The following PTGS2 variants were observed in gnomAD, a reference collection of about 807,000 sequenced individuals.
The protein encoded by PTGS2 is prostaglandin-endoperoxide synthase 2, also known as prostaglandin G/H synthase 2.
Under a neutral mutation model 63.8 loss-of-function variants are expected in PTGS2, and 14 were observed. That is an observed-to-expected ratio of 0.22 (90% CI 0.14 to 0.34). PTGS2 has a LOEUF of 0.34. Among genes scored for constraint, PTGS2 ranks in the 10% least tolerant of loss-of-function variants. The pLI is 1.00. For missense variants in PTGS2, 533 were observed against 738.5 expected, an observed-to-expected ratio of 0.72 and a Z score of 3.23; for synonymous variants, 271 against 259.5, an observed-to-expected ratio of 1.04 and a Z score of -0.43.
At chr1:186,675,430 T>A (rs1297532968) in intron 8 of PTGS2, 34 bp from the exon 9 acceptor site, 1 of 1,606,080 alleles carries the variant, frequency 6.2e-7, no homozygotes, top group East Asian at 2.2e-5. Context: ...AAAACAAGAA[T>A]TTTAGGCATA....
Position 186,679,095 on chromosome 1 carries a change from G to A in PTGS2, c.276C>T (p.Pro92=). 1 of 1,614,138 alleles carries A rather than the reference G, an allele frequency of 6.2e-7. No individual in the cohort carries two copies. Among genetic ancestry groups the A allele is most frequent in the African/African-American group, 1.3e-5 (1 of 75,052 alleles). ...KGFWNVVNNI[P]FLRNAIMSYV... ...AACTCATAATTGCATTTCGAAGGAA[G>A]GGAATGTTATTCACAACGTTCCAAA... is the stretch of plus-strand genomic sequence containing the variant. The change falls in exon 3 of 10, where the codon CCC becomes CCT. Residue 92 remains proline, a synonymous_variant. Coordinates refer to ENST00000367468, the MANE Select transcript of PTGS2 (RefSeq NM_000963.4).
chr1:186,675,198 A>G (rs1380121708), intron 9 of PTGS2, 51 bp downstream of exon 9: 1 of 1,596,332 alleles, frequency 6.3e-7, no homozygotes, highest in Non-Finnish European at 8.5e-7. Context: ...CAAAAACAAC[A>G]AAAACAAACA....
At chr1:186,678,538 AAAC>A in intron 3 of PTGS2, 134 bp from the exon 4 acceptor site, 1 of 791,194 alleles carries the variant, frequency 1.3e-6, no homozygotes, top group Non-Finnish European at 1.9e-6. Context: ...ATCTATTTTT[AAAC>A]AACTACACTT....
intron 4 of PTGS2, 73 bp from the exon 5 acceptor site, chr1:186,677,903 C>G (rs1665809696): frequency 1.4e-6 from 2 of 1,391,682 alleles, no homozygotes; most frequent in African/African-American, 2.9e-5. Context: ...GTCAATCTAC[C>G]AAGAATTCTT....
chr1:186,678,374 G>A lies in PTGS2; in HGVS notation c.344C>T (p.Thr115Ile), dbSNP rs377655174. 5 of 1,610,482 alleles carry A rather than the reference G, an allele frequency of 3.1e-6. No homozygotes were observed. The highest frequency in any genetic ancestry group is 2.2e-5 in the East Asian group (1 of 44,762). The change falls in exon 4 of 10, where the codon ACT becomes ATT. Residue 115 changes from threonine (T) to isoleucine (I), a missense_variant. Around this residue, in one of 5 missense-constraint regions of PTGS2, gnomAD observed 118 missense variants for 144.6 expected, o/e 0.82. Coordinates refer to ENST00000367468, the MANE Select transcript of PTGS2 (RefSeq NM_000963.4). ...SRSHLIDSPP[T>I]YNADYGYKSW... ...TTTGTAGCCATAGTCAGCATTGTAA[G>A]TTGGTGGACTGTCAATCAAATGTGA...
chr1:186,677,650 C>G lies in PTGS2; in HGVS notation c.638G>C (p.Gly213Ala). The change falls in exon 5 of 10, where the codon GGG becomes GCG. Residue 213 changes from glycine to alanine, a missense_variant and splice_region_variant. Coordinates refer to ENST00000367468, the MANE Select transcript of PTGS2 (RefSeq NM_000963.4). ...GPAFTNGLGH[G>A]VDLNHIYGET... ...TCTAAGATATTAACTCTATCTTACC[C>G]CATGGCCCAGCCCGTTGGTGAAAGC... 6.2e-7 allele frequency: 1 copy of G among 1,606,584 alleles called. No individual in the cohort carries two copies. Among genetic ancestry groups the G allele is most frequent in the Non-Finnish European group, 8.5e-7 (1 of 1,177,254 alleles).
At position 186,676,698 on chromosome 1, in the gene PTGS2, T is replaced by G; in HGVS notation, c.739A>C (p.Met247Leu). The G allele has an allele frequency of 4.3e-6, 7 of 1,611,320 alleles. No individual in the cohort carries two copies. In the South Asian group the frequency reaches 5.5e-5, roughly 13 times the overall value. ...KMKYQIIDGE[M>L]YPPTVKDTQA... is the part of the protein sequence containing the mutation. Reference sequence around the variant, plus strand: ...GTATCTTTGACTGTGGGAGGATACATCTCTCCATCAATTATCTAAAAAAAT... The same window carrying G: ...GTATCTTTGACTGTGGGAGGATACAGCTCTCCATCAATTATCTAAAAAAAT... Residue 247 changes from methionine to leucine, a missense_variant, in exon 7 of 10, where the codon ATG (methionine) becomes CTG (leucine). By Grantham distance (15) the Met-to-Leu change is conservative. Coordinates refer to ENST00000367468, the MANE Select transcript of PTGS2 (RefSeq NM_000963.4).
At chr1:186,675,605 T>A in intron 8 of PTGS2, 2 of 654,278 alleles carry the variant, frequency 3.1e-6, no homozygotes, top group South Asian at 4.5e-5. Flanking sequence ...CTTTTTACAT[T>A]TCAAAAATAA....
At position 186,679,097 on chromosome 1, in the gene PTGS2, G is replaced by T. The variant is rs201046652; in HGVS notation, c.274C>A (p.Pro92Thr). The change falls in exon 3 of 10, where the codon CCC becomes ACC. Residue 92 changes from proline (P) to threonine (T), a missense_variant. By Grantham distance (38) the Pro-to-Thr change is conservative. This residue lies in a region of PTGS2 where 118 missense variants were observed against 144.6 expected (regional missense o/e 0.82). Transcript: ENST00000367468. ...KGFWNVVNNI[P>T]FLRNAIMSYV... ...CTCATAATTGCATTTCGAAGGAAGG[G>T]AATGTTATTCACAACGTTCCAAAAT... 5.0e-6 allele frequency: 8 copies of T among 1,614,038 alleles called. No homozygotes were observed. Among genetic ancestry groups the T allele is most frequent in the Admixed American group, 3.3e-5 (2 of 60,004 alleles).
chr1:186,671,913 C>T lies in PTGS2; in HGVS notation c.*2440G>A, dbSNP rs1571807307. ...AAGTTAAATACACATTTGTCTGAGG[C>T]ACTGAAACATTCGCATACACAACCC... On this transcript the variant is annotated 3_prime_UTR_variant, in exon 10 of 10. Transcript: ENST00000367468. The T allele has an allele frequency of 3.9e-5, 6 of 152,074 alleles. No individual in the cohort carries two copies. In the South Asian group the frequency reaches 1.2e-3, roughly 32 times the overall value. 9.4% of individuals were successfully genotyped at this position (152,074 alleles called of 1,614,324 possible). A position where few individuals can be genotyped will look rare whatever the true frequency, so the allele number is the denominator to read the frequency against.
intron 7 of PTGS2, 58 bp from the exon 8 acceptor site, chr1:186,676,242 G>A (rs1303948338): frequency 2.0e-6 from 3 of 1,487,902 alleles, no homozygotes; most frequent in African/African-American, 2.8e-5. Flanking sequence ...AAGCTTTCAA[G>A]CAACTGGAAT....
intron 8 of PTGS2, chr1:186,675,629 G>T (rs892857573): frequency 6.5e-6 from 4 of 619,692 alleles, no homozygotes; most frequent in Non-Finnish European, 1.1e-5. Context: ...TAGTATTCAA[G>T]CCTAAAATAT....
chr1:186,676,414 A>G lies in PTGS2; in HGVS notation c.970+53T>C. On this transcript the variant is annotated intron_variant, in intron 7 of 9. Coordinates refer to ENST00000367468, the MANE Select transcript of PTGS2 (RefSeq NM_000963.4). ...TTACTCAAAACATAACAAAGATAGCACACTAATTTTCCCTGGGGAAGAGGG... is the reference window on the plus strand; with the variant it reads ...TTACTCAAAACATAACAAAGATAGCGCACTAATTTTCCCTGGGGAAGAGGG... 1.9e-6 allele frequency: 3 copies of G among 1,588,908 alleles called. No individual in the cohort carries two copies. The South Asian group carries it at 3.4e-5, about 18-fold the overall frequency.
Position 186,674,337 on chromosome 1 carries a change from T to C in PTGS2, c.*16A>G. The C allele has an allele frequency of 6.9e-7, 1 of 1,458,672 alleles. No homozygotes were observed. Among genetic ancestry groups the C allele is most frequent in the Admixed American group, 2.2e-5 (1 of 45,302 alleles). 90.4% of individuals were successfully genotyped at this position (1,458,672 alleles called of 1,614,324 possible). On this transcript the variant is annotated 3_prime_UTR_variant, in exon 10 of 10. Transcript: ENST00000367468. ...GACATGGTTCATATAAATAAATAAA[T>C]ATGATCATTAGACTTCTACAGTTCA...
intron 9 of PTGS2, 89 bp downstream of exon 9, chr1:186,675,160 G>A: frequency 6.5e-7 from 1 of 1,527,544 alleles, no homozygotes; most frequent in Non-Finnish European, 8.9e-7. Flanking sequence ...CTGGGTGACA[G>A]AGGGCGGCTC....
At position 186,675,308 on chromosome 1, in the gene PTGS2, A is replaced by G; in HGVS notation, c.1346T>C (p.Phe449Ser). ...DQSRQMKYQSFNEYRKRFMLK... is the reference protein window; with the variant it reads ...DQSRQMKYQSSNEYRKRFMLK... ...CATAAAGCGTTTGCGGTACTCATTA[A>G]AAGACTGGTATTTCATCTGCCTGCT... The change falls in exon 9 of 10, where the codon TTT (phenylalanine) becomes TCT (serine). Residue 449 changes from phenylalanine (F) to serine (S), a missense_variant. Phe to Ser is a radical substitution (Grantham distance 155). Around this residue, in one of 5 missense-constraint regions of PTGS2, gnomAD observed 219 missense variants for 267.4 expected, o/e 0.82. Transcript: ENST00000367468. 1 of 1,614,234 alleles carries G rather than the reference A, an allele frequency of 6.2e-7. No homozygotes were observed. The highest frequency in any genetic ancestry group is 8.5e-7 in the Non-Finnish European group (1 of 1,180,036).
At position 186,673,733 on chromosome 1, in the gene PTGS2, A is replaced by G. The variant is rs867946410; in HGVS notation, c.*620T>C. 30 of 152,218 alleles carry G rather than the reference A, an allele frequency of 2.0e-4. No homozygotes were observed. The highest frequency in any genetic ancestry group is 7.0e-4 in the African/African-American group (29 of 41,464). The allele number at this position is 152,218 out of a possible 1,614,324, so 9.4% of individuals were successfully genotyped here. ...AAATCCAAGACAGCTTCTTTTTGGT[A>G]TATGTACAAGTTTAATAACTTTAAG... On this transcript the variant is annotated 3_prime_UTR_variant, in exon 10 of 10. Coordinates refer to ENST00000367468, the MANE Select transcript of PTGS2 (RefSeq NM_000963.4).
At chr1:186,678,140 G>T in intron 4 of PTGS2, 121 bp downstream of exon 4, 1 of 1,061,190 alleles carries the variant, frequency 9.4e-7, no homozygotes, top group Non-Finnish European at 1.3e-6. Flanking sequence ...AGATAACCAT[G>T]CTAAAAGTAA....
At position 186,680,355 on chromosome 1, in the gene PTGS2, G is replaced by T; in HGVS notation, c.-65C>A. On this transcript the variant is annotated 5_prime_UTR_variant, in exon 1 of 10. Transcript: ENST00000367468. ...CTGTCTGAGGGCGTCTGGCTGTGGAGCTGAAGGAGGCGCTGCTGAGGAGTT... is the reference window on the plus strand; with the variant it reads ...CTGTCTGAGGGCGTCTGGCTGTGGATCTGAAGGAGGCGCTGCTGAGGAGTT... 1 of 1,262,744 alleles carries T rather than the reference G, an allele frequency of 7.9e-7. No homozygotes were observed. Among genetic ancestry groups the T allele is most frequent in the Non-Finnish European group, 1.1e-6 (1 of 920,030 alleles). The allele number at this position is 1,262,744 out of a possible 1,614,324, so 78.2% of individuals were successfully genotyped here. A position where few individuals can be genotyped will look rare whatever the true frequency, so the allele number is the denominator to read the frequency against.
Sources: gnomAD v4.1 joint callset for allele counts on GRCh38, gnomAD v4.1.1 for gene constraint, gnomAD v4.1.1 regional missense constraint, MANE v1.5 for transcripts, NCBI Gene and HGNC (gene_info 2026-07-23, HGNC 2026-07-21) for gene names.